Variants in MAGI1 observed in about 807,000 individuals in gnomAD.
MAGI1 encodes the protein membrane-associated guanylate kinase, WW and PDZ domain-containing protein 1.
A neutral mutation model predicts 139.9 loss-of-function variants in MAGI1; 58 were observed. That is an observed-to-expected ratio of 0.41 (90% CI 0.34 to 0.52). The LOEUF is 0.52. MAGI1 is among the 20% of genes least tolerant of loss of function. MAGI1 has a pLI of 0.12. For synonymous variants in MAGI1, 812 were observed against 737.9 expected, an observed-to-expected ratio of 1.10 and a Z score of -1.63; for missense variants, 1,874 against 1,901.6, an observed-to-expected ratio of 0.99 and a Z score of 0.27.
intron 1 of MAGI1, among the ~76,000 whole-genome samples, chr3:65,742,579 G>C (rs142054954): frequency 4.9e-4 from 75 of 152,314 alleles, no homozygotes; most frequent in African/African-American, 1.7e-3. Flanking sequence ...GATTAAAGGA[G>C]ATATTGTGTG....
At chr3:65,776,095 T>C (rs72908267) in intron 1 of MAGI1, among the ~76,000 whole-genome samples, 13,917 of 152,218 alleles carry the variant, frequency 0.091, 824 homozygotes, top group African/African-American at 0.16. Context: ...TTTTTTGTTG[T>C]CCTTCCTACT....
chr3:65,508,069 G>C (rs1430890435), intron 2 of MAGI1, among the ~76,000 whole-genome samples: 1 of 152,076 alleles, frequency 6.6e-6, no homozygotes. Context: ...TACTATATGA[G>C]GTATCAACGG....
intron 1 of MAGI1, among the ~76,000 whole-genome samples, chr3:65,885,645 C>T (rs906165218): frequency 5.3e-5 from 8 of 151,996 alleles, no homozygotes; most frequent in South Asian, 2.1e-4. Context: ...TGAGATCTGA[C>T]GGTTTTATAA....
chr3:65,741,090 A>G (rs1384604887), intron 1 of MAGI1, among the ~76,000 whole-genome samples: 1 of 152,190 alleles, frequency 6.6e-6, no homozygotes, highest in African/African-American at 2.4e-5. Flanking sequence ...CATGTAAACA[A>G]CATCAAAGAC....
intron 1 of MAGI1, among the ~76,000 whole-genome samples, chr3:66,035,810 A>G (rs557886365): frequency 4.9e-4 from 75 of 152,282 alleles, no homozygotes; most frequent in African/African-American, 1.6e-3. Flanking sequence ...GTTTCCTTTC[A>G]ACTCAGAGGT....
intron 1 of MAGI1, among the ~76,000 whole-genome samples, chr3:65,639,699 C>G (rs188120576): frequency 2.2e-4 from 33 of 152,148 alleles, no homozygotes; most frequent in Admixed American, 1.9e-3. Context: ...TGTCCTTCCT[C>G]CAAATAAAAG....
chr3:65,932,477 ATCCCCT>A (rs1207636384), intron 1 of MAGI1, among the ~76,000 whole-genome samples: 4 of 152,172 alleles, frequency 2.6e-5, no homozygotes, highest in Non-Finnish European at 5.9e-5. Context: ...TTGGAACACA[ATCCCCT>A]TCAGCATTCC....
chr3:65,698,588 T>C (rs1039855332), intron 1 of MAGI1, among the ~76,000 whole-genome samples: 1 of 152,150 alleles, frequency 6.6e-6, no homozygotes, highest in African/African-American at 2.4e-5. Context: ...TACAACTATC[T>C]GATCTTTGAC....
chr3:65,832,915 CTG>C (rs2042603702), intron 1 of MAGI1, among the ~76,000 whole-genome samples: 1 of 152,186 alleles, frequency 6.6e-6, no homozygotes, highest in Admixed American at 6.5e-5. Context: ...CAGTATATGA[CTG>C]TATCAAGGAA....
At chr3:65,374,372 C>T (rs1289611577) in intron 18 of MAGI1, among the ~76,000 whole-genome samples, 1 of 127,436 alleles carries the variant, frequency 7.8e-6, no homozygotes, top group Admixed American at 9.9e-5. Context: ...GGCTGGAGTG[C>T]AGTGGCGCAA....
chr3:65,490,528 T>C (rs1288621543), intron 3 of MAGI1, among the ~76,000 whole-genome samples: 1 of 152,124 alleles, frequency 6.6e-6, no homozygotes, highest in African/African-American at 2.4e-5. Flanking sequence ...CAATATAATA[T>C]ACTCTGGTCA....
intron 1 of MAGI1, among the ~76,000 whole-genome samples, chr3:65,937,992 A>G (rs1470689204): frequency 6.6e-6 from 1 of 152,306 alleles, no homozygotes. Flanking sequence ...GCAATACTCT[A>G]TTAGGAAATA....
At chr3:65,541,992 C>T (rs1018776259) in intron 2 of MAGI1, among the ~76,000 whole-genome samples, 2 of 152,142 alleles carry the variant, frequency 1.3e-5, no homozygotes, top group Non-Finnish European at 2.9e-5. Flanking sequence ...TCCCTGTCTG[C>T]AGATTACATG....
chr3:65,812,462 T>TCACA (rs1442446498), intron 1 of MAGI1, among the ~76,000 whole-genome samples: 3 of 93,706 alleles, frequency 3.2e-5, no homozygotes, highest in African/African-American at 1.2e-4. Flanking sequence ...TCTCTCTCTC[T>TCACA]CTCTCTCACA....
chr3:65,576,903 G>T (rs1169149309), intron 2 of MAGI1, among the ~76,000 whole-genome samples: 1 of 152,074 alleles, frequency 6.6e-6, no homozygotes, highest in Non-Finnish European at 1.5e-5. Context: ...GGTTACCCCT[G>T]GGATGTAGAC....
Position 65,478,718 on chromosome 3 carries a change from G to T in MAGI1, c.631C>A (p.Gln211Lys). ...VITTDALHSL[Q>K]SGSKQSTPKR... ...GGGGTCGACTGCTTAGAGCCAGACT[G>T]AAGGCTGTGCAAGGCATCCGTCGTG... Residue 211 changes from glutamine (Q) to lysine (K), a missense_variant, in exon 4 of 23, where the codon CAG becomes AAG. Gln to Lys is a moderately conservative substitution (Grantham distance 53). Transcript: ENST00000402939. 6.2e-7 allele frequency: 1 copy of T among 1,614,100 alleles called. No homozygotes were observed. The highest frequency in any genetic ancestry group is 8.5e-7 in the Non-Finnish European group (1 of 1,180,000).
At chr3:65,925,309 T>TG (rs1560019726) in intron 1 of MAGI1, 1 of 152,228 alleles carries the variant, frequency 6.6e-6, no homozygotes, top group African/African-American at 2.4e-5. Context: ...GTAGTGTTTT[T>TG]TTTTGTTTTG....
intron 21 of MAGI1, among the ~76,000 whole-genome samples, chr3:65,362,654 C>T (rs1023625679): frequency 6.6e-6 from 1 of 152,152 alleles, no homozygotes; most frequent in African/African-American, 2.4e-5. Context: ...GCAAGTGTTA[C>T]GATCCTCACC....
At chr3:66,001,808 T>C (rs929642794) in intron 1 of MAGI1, among the ~76,000 whole-genome samples, 2 of 152,224 alleles carry the variant, frequency 1.3e-5, no homozygotes, top group African/African-American at 4.8e-5. Flanking sequence ...CTGTGCCAAT[T>C]TTAATTAAAT....
Sources: allele counts gnomAD v4.1 joint callset (sites outside exome capture counted in the v4.1 genomes callset), GRCh38; gene constraint gnomAD v4.1.1; transcripts MANE v1.5; gene names NCBI Gene and HGNC (gene_info 2026-07-23, HGNC 2026-07-21).